Variants in HAPLN3 observed in about 807,000 individuals in gnomAD.
HAPLN3 encodes the protein hyaluronan and proteoglycan link protein 3, also known as extracellular link domain containing, 1.
In HAPLN3, 28 loss-of-function variants were observed where a neutral mutation model predicts 28.1. The observed-to-expected ratio is 1.00, with a 90% CI of 0.74 to 1.37. HAPLN3 has a LOEUF of 1.37. Ranked by LOEUF, HAPLN3 falls within the 40% of genes most tolerant of loss-of-function variation. The pLI, the probability that HAPLN3 is intolerant of heterozygous loss-of-function variation, is 0.00. For missense variants in HAPLN3, 513 were observed against 504.6 expected (o/e 1.02, Z -0.16); for synonymous variants, 211 against 213.1 (o/e 0.99, Z 0.09).
chr15:88,887,215 G>A lies in HAPLN3; in HGVS notation c.84C>T (p.Asn28=), dbSNP rs377726073. The A allele has an allele frequency of 1.9e-6, 3 of 1,614,054 alleles. No homozygotes were observed. The African/African-American group carries it at 4.0e-5, about 22-fold the overall frequency. ...TGCCTAGGTTCTGGTCGTTGGCGCTGTTGGAGTAGTAGAAGCCGTTGTAGA... is the reference window on the plus strand; with the variant it reads ...TGCCTAGGTTCTGGTCGTTGGCGCTATTGGAGTAGTAGAAGCCGTTGTAGA... ...LPFYNGFYYS[N]SANDQNLGNG... Residue 28 remains asparagine (N), a synonymous_variant, in exon 2 of 5, where the codon AAC becomes AAT. Coordinates refer to ENST00000359595, the MANE Select transcript of HAPLN3 (RefSeq NM_178232.4).
chr15:88,890,654 C>T (rs1897988402), intron 1 of HAPLN3, among the ~76,000 whole-genome samples: 1 of 152,146 alleles, frequency 6.6e-6, no homozygotes, highest in Admixed American at 6.5e-5. Flanking sequence ...TGGCAGCAAG[C>T]AGAAATAACA....
chr15:88,880,452 C>T lies in HAPLN3; in HGVS notation c.493+905G>A, dbSNP rs1350910044. On this transcript the variant is annotated intron_variant, in intron 3 of 4. Transcript: ENST00000359595. This position sits in a 1 kb window ranked among gnomAD's most constrained non-coding sequence, Gnocchi z 6.0. ...GGTAAAGGAGGAAAGATTGTGATAC[C>T]CCATTTTACACCTGAGAGGCCCAGG... 8.3e-7 allele frequency: 1 copy of T among 1,205,406 alleles called. No individual in the cohort carries two copies. Among genetic ancestry groups the T allele is most frequent in the Non-Finnish European group, 1.1e-6 (1 of 943,116 alleles). The allele number at this position is 1,205,406 out of a possible 1,614,324, so 74.7% of individuals were successfully genotyped here. A position where few individuals can be genotyped will look rare whatever the true frequency, so the allele number is the denominator to read the frequency against.
chr15:88,892,677 A>G (rs1898043633), intron 1 of HAPLN3, among the ~76,000 whole-genome samples: 1 of 152,094 alleles, frequency 6.6e-6, no homozygotes, highest in South Asian at 2.1e-4. Flanking sequence ...CTCTGAACAG[A>G]AAATTTCCTC....
At chr15:88,893,928 CAAA>C (rs10706089) in intron 1 of HAPLN3, among the ~76,000 whole-genome samples, 12 of 106,222 alleles carry the variant, frequency 1.1e-4, no homozygotes, top group Admixed American at 8.0e-4. Context: ...GACTCCATCT[CAAA>C]AAAAAAAAAA....
Position 88,878,971 on chromosome 15 carries a change from G to A in HAPLN3, c.792C>T (p.Leu264=), listed in dbSNP as rs1897612571. Residue 264 remains leucine, a synonymous_variant, in exon 4 of 5, where the codon CTC becomes CTT. Transcript: ENST00000359595. ...GCGCTTGGCTATTCCACTCACCCTT[G>A]AGGGCAGTAGCGAAGCAGAATACAT... The part of the protein sequence containing the change: ...RYDVFCFATA[L]KGRVYYLEHP... The A allele has an allele frequency of 6.2e-7, 1 of 1,608,152 alleles. No homozygotes were observed. Among genetic ancestry groups the A allele is most frequent in the African/African-American group, 1.3e-5 (1 of 74,876 alleles).
rs917873716 is a variant in HAPLN3 at position 88,877,326 on chromosome 15, C to T, written c.*644G>A. On this transcript the variant is annotated 3_prime_UTR_variant, in exon 5 of 5. Coordinates refer to ENST00000359595, the MANE Select transcript of HAPLN3 (RefSeq NM_178232.4). This position sits in a 1 kb window ranked among gnomAD's most constrained non-coding sequence, Gnocchi z 5.1. The stretch of plus-strand genomic sequence containing the variant: ...AGGCAGTCATAGCACCATTTATTGT[C>T]CAAAGTACACACACCTGAGGGCCCC... 7.2e-5 allele frequency: 11 copies of T among 152,466 alleles called. No homozygotes were observed. The highest frequency in any genetic ancestry group is 1.2e-4 in the Non-Finnish European group (8 of 68,228). The allele number at this position is 152,466 out of a possible 1,614,324, so 9.4% of individuals were successfully genotyped here.
Position 88,881,799 on chromosome 15 carries a change from C to T in HAPLN3, c.125-74G>A. 1 of 1,497,604 alleles carries T rather than the reference C, an allele frequency of 6.7e-7. No homozygotes were observed. 92.8% of individuals were successfully genotyped at this position (1,497,604 alleles called of 1,614,324 possible). On this transcript the variant is annotated intron_variant, in intron 2 of 4. Transcript: ENST00000359595. This position sits in a 1 kb window ranked among gnomAD's most constrained non-coding sequence, Gnocchi z 6.0. ...ACCCCTGCAAGGGCCACCGCACACC[C>T]TCATCCACGGCTCCTACAGGCTCAG...
In HAPLN3 at chr15:88,877,843, A is replaced by C; in HGVS notation, c.*127T>G. On this transcript the variant is annotated 3_prime_UTR_variant, in exon 5 of 5. Transcript: ENST00000359595. This position sits in a 1 kb window ranked among gnomAD's most constrained non-coding sequence, Gnocchi z 5.1. ...TTGCTTTACAAAAAATAGTAAAAAA[A>C]TGTTTAAAGAAAATTTAAATTGAGA... The C allele has an allele frequency of 2.0e-6, 2 of 981,646 alleles. No individual in the cohort carries two copies. Among genetic ancestry groups the C allele is most frequent in the Non-Finnish European group, 2.9e-6 (2 of 682,680 alleles). 60.8% of individuals were successfully genotyped at this position (981,646 alleles called of 1,614,324 possible).
In HAPLN3 at chr15:88,880,795, G is replaced by A. The variant is rs916967813; in HGVS notation, c.493+562C>T. ...GGAGGTTTTTACATAAAAATCAGGAGATCTCACATAAAAATATAAGCTTAT... is the reference window on the plus strand; with the variant it reads ...GGAGGTTTTTACATAAAAATCAGGAAATCTCACATAAAAATATAAGCTTAT... On this transcript the variant is annotated intron_variant, in intron 3 of 4. Coordinates refer to ENST00000359595, the MANE Select transcript of HAPLN3 (RefSeq NM_178232.4). This position sits in a 1 kb window ranked among gnomAD's most constrained non-coding sequence, Gnocchi z 6.0. Among the ~76,000 whole-genome samples the A allele has an allele frequency of 1.3e-5, 2 of 152,034 alleles. No individual in the cohort carries two copies. Among genetic ancestry groups the A allele is most frequent in the African/African-American group, 4.8e-5 (2 of 41,370 alleles).
intron 1 of HAPLN3, among the ~76,000 whole-genome samples, chr15:88,892,603 A>G (rs1300691269): frequency 6.6e-6 from 1 of 152,120 alleles, no homozygotes; most frequent in Non-Finnish European, 1.5e-5. Flanking sequence ...AGTTAAACTC[A>G]TTGAGGTTGG....
At chr15:88,893,062 C>G (rs1898054630) in intron 1 of HAPLN3, 1 of 1,218,054 alleles carries the variant, frequency 8.2e-7, no homozygotes, top group Admixed American at 2.0e-5. Context: ...ACACTGCATC[C>G]TGCTGAGTGA....
At chr15:88,890,768 T>C (rs1446755436) in intron 1 of HAPLN3, among the ~76,000 whole-genome samples, 2 of 152,162 alleles carry the variant, frequency 1.3e-5, no homozygotes, top group African/African-American at 2.4e-5. Context: ...GAGTCAGAGA[T>C]GGAAACCACA....
At chr15:88,894,957 G>A (rs1414532582) in intron 1 of HAPLN3, among the ~76,000 whole-genome samples, 1 of 152,146 alleles carries the variant, frequency 6.6e-6, no homozygotes, top group Non-Finnish European at 1.5e-5. Flanking sequence ...GCCCAGAGCC[G>A]GCCAGCTGCG....
At chr15:88,884,128 C>T (rs1158234691) in intron 2 of HAPLN3, among the ~76,000 whole-genome samples, 2 of 151,798 alleles carry the variant, frequency 1.3e-5, no homozygotes, top group Non-Finnish European at 1.5e-5. Context: ...AACAGTGGTT[C>T]CCCTGGGTGG....
rs1461425296 is a variant in HAPLN3, at chr15:88,881,949, T to TGCCACTTGCTTG, written c.125-236_125-225dup. On this transcript the variant is annotated intron_variant, in intron 2 of 4. Coordinates refer to ENST00000359595, the MANE Select transcript of HAPLN3 (RefSeq NM_178232.4). The surrounding 1 kb of genome is among the most constrained non-coding windows in gnomAD (Gnocchi z 6.0). Reference sequence around the variant, plus strand: ...CACCCCCTTGAATCTGTGCTGGCCTTGCCACTTGCTTGACCAACTGAATGC... The same window carrying TGCCACTTGCTTG: ...CACCCCCTTGAATCTGTGCTGGCCTTGCCACTTGCTTGGCCACTTGCTTGACCAACTGAATGC... Among the ~76,000 whole-genome samples the TGCCACTTGCTTG allele has an allele frequency of 6.6e-6, 1 of 152,194 alleles. No individual in the cohort carries two copies. The highest frequency in any genetic ancestry group is 1.5e-5 in the Non-Finnish European group (1 of 68,030).
chr15:88,880,796 A>T lies in HAPLN3; in HGVS notation c.493+561T>A, dbSNP rs1432339636. ...GAGGTTTTTACATAAAAATCAGGAG[A>T]TCTCACATAAAAATATAAGCTTATC... On this transcript the variant is annotated intron_variant, in intron 3 of 4. Transcript: ENST00000359595. This position sits in a 1 kb window ranked among gnomAD's most constrained non-coding sequence, Gnocchi z 6.0. Among the ~76,000 whole-genome samples, 1 of 151,712 alleles carries T rather than the reference A, an allele frequency of 6.6e-6. No homozygotes were observed. Among genetic ancestry groups the T allele is most frequent in the African/African-American group, 2.4e-5 (1 of 41,250 alleles).
At chr15:88,892,107 T>A (rs4932445) in intron 1 of HAPLN3, among the ~76,000 whole-genome samples, 8,102 of 152,264 alleles carry the variant, frequency 0.053, 303 homozygotes, top group East Asian at 0.16. Flanking sequence ...AACACCTCTT[T>A]GTTGGATGCT....
Position 88,877,916 on chromosome 15 carries a change from C to T in HAPLN3, c.*54G>A. On this transcript the variant is annotated 3_prime_UTR_variant, in exon 5 of 5. Transcript: ENST00000359595. The surrounding 1 kb of genome is among the most constrained non-coding windows in gnomAD (Gnocchi z 5.1). ...CTCCAACCCACAAGGGAAAACGAAC[C>T]ACTCAATAAATACACAGCCAGTGAG... 1 of 1,498,894 alleles carries T rather than the reference C, an allele frequency of 6.7e-7. No individual in the cohort carries two copies. Among genetic ancestry groups the T allele is most frequent in the Non-Finnish European group, 9.0e-7 (1 of 1,115,486 alleles). The allele number at this position is 1,498,894 out of a possible 1,614,324, so 92.8% of individuals were successfully genotyped here.
chr15:88,881,301 T>C lies in HAPLN3; in HGVS notation c.493+56A>G, dbSNP rs955892506. 6.4e-7 allele frequency: 1 copy of C among 1,551,212 alleles called. No individual in the cohort carries two copies. Among genetic ancestry groups the C allele is most frequent in the Non-Finnish European group, 8.7e-7 (1 of 1,149,158 alleles). On this transcript the variant is annotated intron_variant, in intron 3 of 4. Transcript: ENST00000359595. This position sits in a 1 kb window ranked among gnomAD's most constrained non-coding sequence, Gnocchi z 6.0. ...ACAGAGGTCTGGATGTTTTCTCTGG[T>C]CCTCTCCCCTCTGCTCTCAGGTCCC...
Sources: allele counts gnomAD v4.1 joint callset (sites outside exome capture counted in the v4.1 genomes callset), GRCh38; gene constraint gnomAD v4.1.1; non-coding constraint Gnocchi (gnomAD v3.1); transcripts MANE v1.5; gene names NCBI Gene and HGNC (gene_info 2026-07-23, HGNC 2026-07-21).